Variants in THSD7B observed in about 807,000 individuals in gnomAD.
THSD7B encodes the protein thrombospondin type 1 domain containing 7B, also known as thrombospondin type-1 domain-containing protein 7B.
Under a neutral mutation model 213.6 loss-of-function variants are expected in THSD7B, and 138 were observed. The ratio of observed to expected loss-of-function variants is 0.65; its 90% CI spans 0.56 to 0.74. The LOEUF (loss-of-function observed/expected upper bound fraction) is 0.74. Ranked by LOEUF, THSD7B falls within the 30% of genes least tolerant of loss-of-function variation. The pLI, the probability that THSD7B is intolerant of heterozygous loss-of-function variation, is 0.00. For missense variants in THSD7B, 1,931 were observed against 1,991.5 expected, an observed-to-expected ratio of 0.97 and a Z score of 0.58; for synonymous variants, 742 against 687.0, an observed-to-expected ratio of 1.08 and a Z score of -1.25.
At chr2:137,342,374 T>G (rs1684780995) in intron 12 of THSD7B, among the ~76,000 whole-genome samples, 1 of 135,894 alleles carries the variant, frequency 7.4e-6, no homozygotes, top group South Asian at 2.5e-4. Flanking sequence ...TTTTTGTATT[T>G]GTTAATTAGT....
At chr2:137,414,626 C>A (rs1030367443) in intron 14 of THSD7B, among the ~76,000 whole-genome samples, 1 of 151,946 alleles carries the variant, frequency 6.6e-6, no homozygotes, top group Non-Finnish European at 1.5e-5. Flanking sequence ...ACTGAGGTGG[C>A]AGGATCACTT....
At chr2:137,146,443 C>T (rs1369966384) in intron 5 of THSD7B, among the ~76,000 whole-genome samples, 1 of 152,004 alleles carries the variant, frequency 6.6e-6, no homozygotes, top group African/African-American at 2.4e-5. Flanking sequence ...TTGCCTCAGC[C>T]GTTTAGGAAT....
intron 12 of THSD7B, among the ~76,000 whole-genome samples, chr2:137,313,397 G>T (rs1352683131): frequency 6.6e-6 from 1 of 151,762 alleles, no homozygotes; most frequent in African/African-American, 2.4e-5. Context: ...GAGCCTATGT[G>T]TGTTTCTGCA....
intron 10 of THSD7B, among the ~76,000 whole-genome samples, chr2:137,249,029 G>A (rs147556539): frequency 6.3e-4 from 96 of 152,146 alleles, no homozygotes; most frequent in African/African-American, 2.3e-3. Context: ...AAAGTCCATA[G>A]ATCGCTACAT....
chr2:137,162,295 T>A (rs1680034292), intron 6 of THSD7B, among the ~76,000 whole-genome samples: 1 of 152,204 alleles, frequency 6.6e-6, no homozygotes, highest in African/African-American at 2.4e-5. Context: ...AGGTAGTACA[T>A]AAAGCAGAAA....
chr2:137,097,385 C>G (rs1461786318), intron 4 of THSD7B, among the ~76,000 whole-genome samples: 1 of 151,964 alleles, frequency 6.6e-6, no homozygotes, highest in Non-Finnish European at 1.5e-5. Context: ...TATAAATTAA[C>G]TAATTAAATA....
chr2:137,254,028 A>C (rs552648959), intron 10 of THSD7B, among the ~76,000 whole-genome samples: 1 of 152,344 alleles, frequency 6.6e-6, no homozygotes, highest in South Asian at 2.1e-4. Context: ...GTATGGTTAA[A>C]AAATCAACAA....
At chr2:136,917,896 T>C (rs1029156799) in intron 2 of THSD7B, among the ~76,000 whole-genome samples, 8 of 152,236 alleles carry the variant, frequency 5.3e-5, no homozygotes, top group African/African-American at 1.7e-4. Flanking sequence ...TAACATCCTT[T>C]AGCTGAAATA....
intron 2 of THSD7B, among the ~76,000 whole-genome samples, chr2:136,971,417 A>G (rs1168866290): frequency 2.0e-5 from 3 of 152,160 alleles, no homozygotes; most frequent in African/African-American, 7.2e-5. Flanking sequence ...ATGTTGTACC[A>G]TGTGAAAAAT....
Position 137,130,707 on chromosome 2 carries a change from G to C in THSD7B, c.1369+15414G>C, listed in dbSNP as rs543731991. 1.3e-4 allele frequency among the ~76,000 whole-genome samples: 20 copies of C among 150,736 alleles called. 1 individual carries two copies. Among genetic ancestry groups the C allele is most frequent in the South Asian group, 8.4e-4 (4 of 4,760 alleles). Reference sequence around the variant, plus strand: ...TCCATGTCCCTACAAAGGACATGAAGTCATCATTTTTTATGGCTGCATAGT... The same window carrying C: ...TCCATGTCCCTACAAAGGACATGAACTCATCATTTTTTATGGCTGCATAGT... On this transcript the variant is annotated intron_variant, in intron 5 of 27. Transcript: ENST00000409968.
chr2:136,837,265 T>C (rs1253358059), intron 1 of THSD7B, among the ~76,000 whole-genome samples: 1 of 152,256 alleles, frequency 6.6e-6, no homozygotes, highest in Non-Finnish European at 1.5e-5. Context: ...TGCCAGGGTC[T>C]GGCCATTGCC....
At chr2:137,522,798 G>T (rs1433469852) in intron 15 of THSD7B, among the ~76,000 whole-genome samples, 1 of 152,186 alleles carries the variant, frequency 6.6e-6, no homozygotes, top group African/African-American at 2.4e-5. Context: ...ATTATATGCT[G>T]TGACACAGTA....
intron 15 of THSD7B, among the ~76,000 whole-genome samples, chr2:137,464,868 C>T (rs1687961658): frequency 1.3e-5 from 2 of 151,814 alleles, no homozygotes; most frequent in African/African-American, 4.8e-5. Flanking sequence ...GCCCAGTGGT[C>T]GATTAGATAT....
intron 7 of THSD7B, among the ~76,000 whole-genome samples, chr2:137,211,815 A>G (rs1201973825): frequency 1.3e-5 from 2 of 152,068 alleles, no homozygotes; most frequent in Admixed American, 6.6e-5. Context: ...GCATTTGCAT[A>G]TGCACCTGCC....
chr2:137,666,520 A>C (rs1314560711), intron 26 of THSD7B, among the ~76,000 whole-genome samples: 1 of 150,204 alleles, frequency 6.7e-6, no homozygotes, highest in Non-Finnish European at 1.5e-5. Flanking sequence ...GTTGTTTACA[A>C]TAGATTTTGA....
At chr2:137,517,803 G>C (rs1035244930) in intron 15 of THSD7B, among the ~76,000 whole-genome samples, 1 of 152,168 alleles carries the variant, frequency 6.6e-6, no homozygotes, top group Non-Finnish European at 1.5e-5. Context: ...CACAGTGGAG[G>C]CCTCTAGGAT....
At chr2:136,806,723 T>C (rs950857261) in intron 1 of THSD7B, among the ~76,000 whole-genome samples, 1 of 152,204 alleles carries the variant, frequency 6.6e-6, no homozygotes, top group Non-Finnish European at 1.5e-5. Context: ...CTATTATTAT[T>C]AGCTACTTTC....
intron 10 of THSD7B, among the ~76,000 whole-genome samples, chr2:137,271,449 TA>T (rs1558737597): frequency 8.7e-6 from 1 of 114,578 alleles, no homozygotes; most frequent in East Asian, 2.5e-4. Context: ...ATATAATATA[TA>T]ATATAATATA....
chr2:136,930,177 T>C (rs551541380), intron 2 of THSD7B, among the ~76,000 whole-genome samples: 1 of 152,278 alleles, frequency 6.6e-6, no homozygotes, highest in African/African-American at 2.4e-5. Context: ...ATATAAATGA[T>C]TCCACATGAA....
Sources: allele counts gnomAD v4.1 joint callset (sites outside exome capture counted in the v4.1 genomes callset), GRCh38; gene constraint gnomAD v4.1.1; transcripts MANE v1.5; gene names NCBI Gene and HGNC (gene_info 2026-07-23, HGNC 2026-07-21).